DSCAM: variants seen among roughly 807,000 people sequenced by gnomAD.
DSCAM encodes the protein cell adhesion molecule DSCAM.
DSCAM carries 47 observed loss-of-function variants against 217.7 expected under a neutral mutation model. The observed-to-expected ratio is 0.22, with a 90% CI of 0.17 to 0.28. The LOEUF (loss-of-function observed/expected upper bound fraction) is 0.28, where lower values mean the gene tolerates loss of function less well. Ranked by LOEUF, DSCAM falls within the 10% of genes least tolerant of loss-of-function variation. The pLI, the probability that DSCAM is intolerant of heterozygous loss-of-function variation, is 1.00. For missense variants in DSCAM, 2,080 were observed against 2,618.3 expected (o/e 0.79, Z 4.49); for synonymous variants, 1,056 against 1,015.3 (o/e 1.04, Z -0.76).
rs529674435 is a variant in DSCAM, at chr21:40,410,225, T to A, written c.509-40980A>T. On this transcript the variant is annotated intron_variant, in intron 3 of 32. Coordinates refer to ENST00000400454, the MANE Select transcript of DSCAM (RefSeq NM_001389.5). ...AATATCTGAAATGAAAAATTATCATTGGTTGGGATTAATAGGAAGTTGGGC... is the reference window on the plus strand; with the variant it reads ...AATATCTGAAATGAAAAATTATCATAGGTTGGGATTAATAGGAAGTTGGGC... Among the ~76,000 whole-genome samples the A allele has an allele frequency of 2.8e-4, 42 of 152,188 alleles. No homozygotes were observed. The South Asian group carries it at 6.4e-3, about 23-fold the overall frequency.
At chr21:40,133,325 T>A (rs1295329260) in intron 19 of DSCAM, among the ~76,000 whole-genome samples, 3 of 152,322 alleles carry the variant, frequency 2.0e-5, no homozygotes, top group Middle Eastern at 3.4e-3. Context: ...AGCAGCAATT[T>A]AAATTTTTAC....
intron 11 of DSCAM, among the ~76,000 whole-genome samples, chr21:40,189,686 GA>G (rs1389068650): frequency 6.6e-6 from 1 of 152,168 alleles, no homozygotes; most frequent in Admixed American, 6.5e-5. Context: ...AGTCTTATGA[GA>G]TCTGATGGTT....
chr21:40,459,434 T>C (rs930836768), intron 3 of DSCAM, among the ~76,000 whole-genome samples: 3 of 152,082 alleles, frequency 2.0e-5, no homozygotes, highest in Admixed American at 6.5e-5. Context: ...CTCTTAGACA[T>C]GGTAAAGATA....
chr21:40,413,168 T>C (rs1444600468), intron 3 of DSCAM, among the ~76,000 whole-genome samples: 2 of 152,232 alleles, frequency 1.3e-5, no homozygotes, highest in Non-Finnish European at 2.9e-5. Flanking sequence ...GAACCTCTGC[T>C]ACGGCAGTGC....
chr21:40,399,567 A>G (rs575031379), intron 3 of DSCAM, among the ~76,000 whole-genome samples: 2 of 152,340 alleles, frequency 1.3e-5, no homozygotes, highest in East Asian at 3.9e-4. Context: ...ATCAAAATTC[A>G]GAATTCTAAA....
chr21:40,368,688 T>C (rs145263663), intron 4 of DSCAM, among the ~76,000 whole-genome samples: 30 of 152,340 alleles, frequency 2.0e-4, no homozygotes, highest in African/African-American at 5.5e-4. Context: ...ATCTCACTAT[T>C]ACAACCTTAT....
intron 21 of DSCAM, 117 bp downstream of exon 21, chr21:40,093,604 T>C: frequency 8.0e-7 from 1 of 1,245,910 alleles, no homozygotes; most frequent in Non-Finnish European, 1.1e-6. Flanking sequence ...TGAGCTAAAA[T>C]GTGATATTCT....
At chr21:40,204,498 G>A (rs890394011) in intron 11 of DSCAM, among the ~76,000 whole-genome samples, 3 of 152,220 alleles carry the variant, frequency 2.0e-5, no homozygotes, top group Non-Finnish European at 4.4e-5. Context: ...ATTTAAGAAC[G>A]TTCTCATAAA....
At chr21:40,303,332 G>C (rs1347047596) in intron 9 of DSCAM, among the ~76,000 whole-genome samples, 1 of 151,970 alleles carries the variant, frequency 6.6e-6, no homozygotes, top group Non-Finnish European at 1.5e-5. Context: ...TCCACACTCA[G>C]TCTTCAGACT....
chr21:40,222,089 T>C (rs1569008157), intron 11 of DSCAM, among the ~76,000 whole-genome samples: 3 of 152,220 alleles, frequency 2.0e-5, no homozygotes, highest in African/African-American at 7.2e-5. Context: ...GGGAAACAAC[T>C]GAGAGTGTTT....
rs576884043 is a variant in DSCAM, at chr21:40,355,513, T to C, written c.656-1770A>G. The stretch of plus-strand genomic sequence containing the variant: ...AGTGATGTTCCCAAGGTCATAATCT[T>C]TGCATGACTATGAAGAATATAAAAT... On this transcript the variant is annotated intron_variant, in intron 4 of 32. Coordinates refer to ENST00000400454, the MANE Select transcript of DSCAM (RefSeq NM_001389.5). 5.3e-5 allele frequency among the ~76,000 whole-genome samples: 8 copies of C among 152,314 alleles called. No individual in the cohort carries two copies. The South Asian group carries it at 1.7e-3, about 32-fold the overall frequency.
At chr21:40,583,040 T>G (rs1460632757) in intron 3 of DSCAM, among the ~76,000 whole-genome samples, 1 of 152,040 alleles carries the variant, frequency 6.6e-6, no homozygotes, top group Admixed American at 6.6e-5. Context: ...AAAATATATA[T>G]AGATCAAGGA....
At chr21:40,148,252 C>T (rs1454551854) in intron 16 of DSCAM, among the ~76,000 whole-genome samples, 2 of 151,862 alleles carry the variant, frequency 1.3e-5, no homozygotes, top group East Asian at 3.9e-4. Flanking sequence ...ATTGTTGCAC[C>T]TGAGGAAGAA....
Position 40,381,080 on chromosome 21 carries a change from A to AAG in DSCAM, c.509-11836_509-11835insCT, listed in dbSNP as rs1555911743. Among the ~76,000 whole-genome samples, 23 of 150,990 alleles carry AAG rather than the reference A, an allele frequency of 1.5e-4. 3 individuals carry two copies. The highest frequency in any genetic ancestry group is 1.3e-3 in the Admixed American group (19 of 14,996). ...TCCGTCTCAAAAAAAAAAAAAAAAA[A>AAG]AAAAGAAAATAGAACTGATAGGACA... On this transcript the variant is annotated intron_variant, in intron 3 of 32. Transcript: ENST00000400454.
At chr21:40,582,077 A>G (rs187626169) in intron 3 of DSCAM, among the ~76,000 whole-genome samples, 1 of 152,300 alleles carries the variant, frequency 6.6e-6, no homozygotes, top group Non-Finnish European at 1.5e-5. Context: ...GTTTAGGATT[A>G]TGGTCCTAAA....
intron 1 of DSCAM, among the ~76,000 whole-genome samples, chr21:40,788,406 A>G (rs747510690): frequency 1.4e-4 from 21 of 152,176 alleles, no homozygotes; most frequent in Non-Finnish European, 2.2e-4. Flanking sequence ...AATGAGAAAA[A>G]TAACTTTTGT....
chr21:40,512,948 G>C (rs186571555), intron 3 of DSCAM, among the ~76,000 whole-genome samples: 191 of 152,220 alleles, frequency 1.3e-3, no homozygotes, highest in Non-Finnish European at 4.4e-5. Context: ...TGCCCAGGCT[G>C]GAGTGCAATG....
At chr21:40,539,791 C>A (rs1036492018) in intron 3 of DSCAM, among the ~76,000 whole-genome samples, 4 of 152,134 alleles carry the variant, frequency 2.6e-5, no homozygotes, top group East Asian at 1.9e-4. Flanking sequence ...GGACCAGATA[C>A]CTTCATTAAG....
intron 11 of DSCAM, among the ~76,000 whole-genome samples, chr21:40,218,223 A>T (rs779373907): frequency 1.3e-5 from 2 of 152,150 alleles, no homozygotes; most frequent in Non-Finnish European, 2.9e-5. Flanking sequence ...TCAGCCAGTT[A>T]TCCTAGCACC....
Sources: allele counts gnomAD v4.1 joint callset (sites outside exome capture counted in the v4.1 genomes callset), GRCh38; gene constraint gnomAD v4.1.1; transcripts MANE v1.5; gene names NCBI Gene and HGNC (gene_info 2026-07-23, HGNC 2026-07-21).